The following GRIK2 variants were observed in gnomAD, a reference collection of about 807,000 sequenced individuals.
GRIK2 encodes glutamate ionotropic receptor kainate type subunit 2, also known as glutamate receptor ionotropic, kainate 2.
A neutral mutation model predicts 100.3 loss-of-function variants in GRIK2; 32 were observed. The ratio of observed to expected loss-of-function variants is 0.32; its 90% confidence interval spans 0.24 to 0.43. The LOEUF (loss-of-function observed/expected upper bound fraction) is 0.43, where lower values mean the gene tolerates loss of function less well. Ranked by LOEUF, GRIK2 falls within the 20% of genes least tolerant of loss-of-function variation. GRIK2 has a pLI of 1.00. For synonymous variants in GRIK2, 417 were observed against 389.4 expected (o/e 1.07, Z -0.83); for missense variants, 843 against 1,114.9 (o/e 0.76, Z 3.47).
At chr6:101,994,225 C>T (rs960028548) in intron 14 of GRIK2, among the ~76,000 whole-genome samples, 5 of 150,754 alleles carry the variant, frequency 3.3e-5, no homozygotes, top group East Asian at 2.0e-4. Context: ...CTCCATGATA[C>T]GAAGTTCAAC....
intron 2 of GRIK2, among the ~76,000 whole-genome samples, chr6:101,613,415 A>G (rs1779762883): frequency 6.6e-6 from 1 of 151,824 alleles, no homozygotes; most frequent in African/African-American, 2.4e-5. Flanking sequence ...TACCTTTGTA[A>G]TATTAGTAAA....
At chr6:101,693,896 A>G (rs529318547) in intron 7 of GRIK2, among the ~76,000 whole-genome samples, 146 of 151,932 alleles carry the variant, frequency 9.6e-4, no homozygotes, top group Non-Finnish European at 1.8e-3. Context: ...CATATCCTGA[A>G]CTCCTTCAAC....
chr6:101,473,989 A>T (rs1772090449), intron 2 of GRIK2, among the ~76,000 whole-genome samples: 1 of 151,906 alleles, frequency 6.6e-6, no homozygotes, highest in Non-Finnish European at 1.5e-5. Context: ...TTTCTAACTC[A>T]TCAGCCACAT....
intron 10 of GRIK2, among the ~76,000 whole-genome samples, chr6:101,844,449 C>A (rs1048242275): frequency 3.9e-5 from 6 of 152,214 alleles, no homozygotes; most frequent in East Asian, 3.9e-4. Flanking sequence ...TCTCAAAGAA[C>A]GACATGGCTT....
chr6:101,732,015 C>T (rs1213929220), intron 7 of GRIK2, among the ~76,000 whole-genome samples: 12 of 151,864 alleles, frequency 7.9e-5, no homozygotes, highest in South Asian at 4.2e-4. Flanking sequence ...TAGTGAACAG[C>T]GTATCTTGAA....
chr6:101,696,179 G>A (rs1408927339), intron 7 of GRIK2, among the ~76,000 whole-genome samples: 1 of 151,858 alleles, frequency 6.6e-6, no homozygotes, highest in African/African-American at 2.4e-5. Flanking sequence ...TTTCCCTGCT[G>A]TGATTTATAA....
At chr6:101,454,224 T>C (rs951917167) in intron 2 of GRIK2, among the ~76,000 whole-genome samples, 1 of 152,136 alleles carries the variant, frequency 6.6e-6, no homozygotes, top group African/African-American at 2.4e-5. Flanking sequence ...ACAAGTTTGT[T>C]CTTTTTACTT....
At chr6:101,835,818 G>T (rs936343049) in intron 10 of GRIK2, among the ~76,000 whole-genome samples, 3 of 138,484 alleles carry the variant, frequency 2.2e-5, no homozygotes, top group Non-Finnish European at 4.8e-5. Flanking sequence ...ATGTTTTCCT[G>T]CTGCAACATG....
At chr6:101,669,400 G>A (rs1394264889) in intron 4 of GRIK2, among the ~76,000 whole-genome samples, 3 of 151,964 alleles carry the variant, frequency 2.0e-5, no homozygotes, top group Admixed American at 2.0e-4. Flanking sequence ...TCTTCATTTT[G>A]ACCAATGGAC....
chr6:101,730,458 TC>T (rs1180277341), intron 7 of GRIK2, among the ~76,000 whole-genome samples: 1 of 151,920 alleles, frequency 6.6e-6, no homozygotes, highest in East Asian at 1.9e-4. Flanking sequence ...TAAATTACAT[TC>T]CCTTTTTTCC....
intron 12 of GRIK2, among the ~76,000 whole-genome samples, chr6:101,918,323 A>G (rs993094231): frequency 2.0e-5 from 3 of 151,782 alleles, no homozygotes; most frequent in African/African-American, 7.2e-5. Flanking sequence ...TAATTGGCTT[A>G]AAATTATATA....
intron 13 of GRIK2, among the ~76,000 whole-genome samples, chr6:101,925,782 G>A (rs1789849275): frequency 6.6e-6 from 1 of 151,890 alleles, no homozygotes; most frequent in African/African-American, 2.4e-5. Flanking sequence ...TGAAGAAGTG[G>A]AAATTTATGT....
At chr6:101,435,597 A>G (rs1769669358) in intron 2 of GRIK2, among the ~76,000 whole-genome samples, 2 of 151,918 alleles carry the variant, frequency 1.3e-5, no homozygotes, top group Admixed American at 6.6e-5. Context: ...GGCTTAGTAA[A>G]TTTCCTTTGC....
Position 101,963,278 on chromosome 6 carries a change from A to ATTTTTTTT in GRIK2, c.2085+34676_2085+34683dup, listed in dbSNP as rs3029099. Among the ~76,000 whole-genome samples the ATTTTTTTT allele has an allele frequency of 1.4e-3, 38 of 27,842 alleles. 17 individuals are homozygous for ATTTTTTTT. Among genetic ancestry groups the ATTTTTTTT allele is most frequent in the Non-Finnish European group, 1.6e-3 (23 of 14,018 alleles). The allele number at this position is 27,842 out of a possible 152,430, so 18.3% of individuals were successfully genotyped here. ...TATTTCATATTTATACTTATTTAGGATTTTTTTTTTTTTTTTTTTTTTTTT... is the reference window on the plus strand; with the variant it reads ...TATTTCATATTTATACTTATTTAGGATTTTTTTTTTTTTTTTTTTTTTTTTTTTTTTTT... On this transcript the variant is annotated intron_variant, in intron 14 of 16. Coordinates refer to ENST00000369134, the MANE Select transcript of GRIK2 (RefSeq NM_021956.5).
At chr6:101,576,699 G>A (rs1417113052) in intron 2 of GRIK2, among the ~76,000 whole-genome samples, 1 of 151,878 alleles carries the variant, frequency 6.6e-6, no homozygotes, top group Admixed American at 6.6e-5. Flanking sequence ...ACATATTTAG[G>A]TATCTATTTA....
intron 10 of GRIK2, among the ~76,000 whole-genome samples, chr6:101,826,278 A>G: frequency 6.6e-6 from 1 of 152,054 alleles, no homozygotes; most frequent in East Asian, 1.9e-4. Flanking sequence ...GAGGCACTGT[A>G]CTTATAGGAA....
chr6:101,720,417 A>T (rs917522319), intron 7 of GRIK2, among the ~76,000 whole-genome samples: 5 of 152,048 alleles, frequency 3.3e-5, no homozygotes, highest in African/African-American at 4.8e-5. Flanking sequence ...GTTTAAGCAT[A>T]GCAGTTAATT....
chr6:101,891,281 G>A (rs1172189003), intron 12 of GRIK2, among the ~76,000 whole-genome samples: 2 of 151,870 alleles, frequency 1.3e-5, no homozygotes, highest in Non-Finnish European at 2.9e-5. Context: ...CACTTTGGGA[G>A]GCCAAGGCGG....
chr6:101,882,624 T>A (rs902075785), intron 11 of GRIK2, among the ~76,000 whole-genome samples: 1 of 152,106 alleles, frequency 6.6e-6, no homozygotes, highest in African/African-American at 2.4e-5. Flanking sequence ...CTGAATTTTA[T>A]AACTCAATTG....
Sources: allele counts gnomAD v4.1 joint callset (sites outside exome capture counted in the v4.1 genomes callset), GRCh38; gene constraint gnomAD v4.1.1; transcripts MANE v1.5; gene names NCBI Gene and HGNC (gene_info 2026-07-23, HGNC 2026-07-21).